OR51E1: variants seen among roughly 807,000 people sequenced by gnomAD.
The protein encoded by OR51E1 is olfactory receptor family 51 subfamily E member 1.
Under a neutral mutation model 11.5 loss-of-function variants are expected in OR51E1, and 9 were observed. That is an observed-to-expected ratio of 0.78 (90% CI 0.47 to 1.37). The LOEUF is 1.37. Ranked by LOEUF, OR51E1 falls within the 40% of genes most tolerant of loss-of-function variation. The probability of loss-of-function intolerance (pLI) is 0.00; values close to 1 mark genes in which losing one functional copy is unlikely to be tolerated. For missense variants in OR51E1, 397 were observed against 410.2 expected, an observed-to-expected ratio of 0.97 and a Z score of 0.28; for synonymous variants, 168 against 158.3, an observed-to-expected ratio of 1.06 and a Z score of -0.46.
chr11:4,645,730 T>C (rs1390658736), intron 1 of OR51E1, among the ~76,000 whole-genome samples: 1 of 152,046 alleles, frequency 6.6e-6, no homozygotes, highest in Admixed American at 6.5e-5. Context: ...ACTCAGGAAG[T>C]GGAGGAGCAG....
At chr11:4,645,418 G>C (rs894634194) in intron 1 of OR51E1, among the ~76,000 whole-genome samples, 3 of 152,172 alleles carry the variant, frequency 2.0e-5, no homozygotes, top group African/African-American at 7.2e-5. Context: ...CTGAGCTATT[G>C]TTGTCTTTGC....
intron 1 of OR51E1, among the ~76,000 whole-genome samples, chr11:4,650,197 G>A (rs1847076723): frequency 6.6e-6 from 1 of 152,134 alleles, no homozygotes; most frequent in Non-Finnish European, 1.5e-5. Flanking sequence ...AACAAAAATG[G>A]ATTTACTGAA....
At chr11:4,648,012 G>C (rs369307668) in intron 1 of OR51E1, among the ~76,000 whole-genome samples, 3 of 152,134 alleles carry the variant, frequency 2.0e-5, no homozygotes, top group East Asian at 1.9e-4. Flanking sequence ...TGCCTGTCTC[G>C]TGGAGGGACT....
chr11:4,645,694 G>C (rs904647903), intron 1 of OR51E1, among the ~76,000 whole-genome samples: 2 of 152,152 alleles, frequency 1.3e-5, no homozygotes, highest in African/African-American at 4.8e-5. Context: ...CAGCTTTGCA[G>C]ATCTTTAGAA....
intron 1 of OR51E1, among the ~76,000 whole-genome samples, chr11:4,648,306 T>C (rs1847053127): frequency 6.6e-6 from 1 of 152,236 alleles, no homozygotes; most frequent in Admixed American, 6.5e-5. Flanking sequence ...TATGAGTGTG[T>C]ACATACAGGC....
intron 1 of OR51E1, among the ~76,000 whole-genome samples, chr11:4,644,351 G>T (rs1196508939): frequency 1.3e-5 from 2 of 152,100 alleles, no homozygotes; most frequent in Non-Finnish European, 2.9e-5. Context: ...AGGCTGGGCT[G>T]GGGTTAGACT....
chr11:4,645,361 C>G (rs1282267330), intron 1 of OR51E1, among the ~76,000 whole-genome samples: 1 of 152,232 alleles, frequency 6.6e-6, no homozygotes, highest in Admixed American at 6.5e-5. Context: ...ACTGCCATGG[C>G]TTAAATGTCA....
chr11:4,647,222 A>C (rs911624581), intron 1 of OR51E1, among the ~76,000 whole-genome samples: 2 of 152,180 alleles, frequency 1.3e-5, no homozygotes, highest in African/African-American at 2.4e-5. Flanking sequence ...ATCTATGTTC[A>C]TATTATAAAA....
In OR51E1 at chr11:4,652,584, C is replaced by A. The variant is rs778631449; in HGVS notation, c.58C>A (p.Leu20Ile). 8.1e-6 allele frequency: 13 copies of A among 1,613,960 alleles called. No homozygotes were observed. The highest frequency in any genetic ancestry group is 4.2e-6 in the Non-Finnish European group (5 of 1,179,978). Residue 20 changes from leucine (L) to isoleucine (I), a missense_variant, in exon 2 of 2, where the codon CTC becomes ATC. Coordinates refer to ENST00000396952, the MANE Select transcript of OR51E1 (RefSeq NM_152430.4). ...TGCTACATACTTCATCCTAATAGGC[C>A]TCCCTGGTTTAGAAGAGGCTCAGTT... is the stretch of plus-strand genomic sequence containing the variant. ...SSATYFILIG[L>I]PGLEEAQFWL...
chr11:4,644,713 T>G (rs564512192), intron 1 of OR51E1, among the ~76,000 whole-genome samples: 1 of 152,290 alleles, frequency 6.6e-6, no homozygotes, highest in South Asian at 2.1e-4. Flanking sequence ...TCTCTTTCTC[T>G]CTGGCTCTTT....
chr11:4,652,492 T>C lies in OR51E1; in HGVS notation c.-35T>C. 2.1e-6 allele frequency: 3 copies of C among 1,456,640 alleles called. No individual in the cohort carries two copies. Among genetic ancestry groups the C allele is most frequent in the Non-Finnish European group, 2.9e-6 (3 of 1,046,230 alleles). The allele number at this position is 1,456,640 out of a possible 1,614,324, so 90.2% of individuals were successfully genotyped here. Reference sequence around the variant, plus strand: ...TGGCTTATCTTTGCATTCCAGCCTCTACCTGCCTGGTGCTGGTCACAGTTC... The same window carrying C: ...TGGCTTATCTTTGCATTCCAGCCTCCACCTGCCTGGTGCTGGTCACAGTTC... On this transcript the variant is annotated 5_prime_UTR_variant, in exon 2 of 2. Transcript: ENST00000396952.
At chr11:4,644,764 T>G (rs10768148) in intron 1 of OR51E1, among the ~76,000 whole-genome samples, 63,910 of 151,866 alleles carry the variant, frequency 0.42, 15,096 homozygotes, top group Middle Eastern at 0.54. Context: ...ACTAGATAAG[T>G]TCTGTTGCTG....
At chr11:4,645,153 T>G (rs1275477745) in intron 1 of OR51E1, among the ~76,000 whole-genome samples, 1 of 152,166 alleles carries the variant, frequency 6.6e-6, no homozygotes, top group Non-Finnish European at 1.5e-5. Flanking sequence ...CAACTGAAAT[T>G]TTATTTGTTT....
chr11:4,652,599 G>A lies in OR51E1; in HGVS notation c.73G>A (p.Glu25Lys), dbSNP rs372848649. The A allele has an allele frequency of 1.2e-6, 2 of 1,614,048 alleles. No homozygotes were observed. The highest frequency in any genetic ancestry group is 3.3e-5 in the Admixed American group (2 of 60,002). Residue 25 changes from glutamate to lysine, a missense_variant, in exon 2 of 2, where the codon GAG (glutamate) becomes AAG (lysine). Transcript: ENST00000396952. ...FILIGLPGLEEAQFWLAFPLC... is the reference protein window; with the variant it reads ...FILIGLPGLEKAQFWLAFPLC... ...CCTAATAGGCCTCCCTGGTTTAGAA[G>A]AGGCTCAGTTCTGGTTGGCCTTCCC...
Position 4,652,648 on chromosome 11 carries a change from C to T in OR51E1, c.122C>T (p.Ala41Val), listed in dbSNP as rs202046967. 4.6e-5 allele frequency: 74 copies of T among 1,614,058 alleles called. No individual in the cohort carries two copies. The highest frequency in any genetic ancestry group is 1.3e-4 in the Admixed American group (8 of 60,028). Residue 41 changes from alanine to valine, a missense_variant, in exon 2 of 2, where the codon GCT (alanine) becomes GTT (valine). Ala to Val is a moderately conservative substitution (Grantham distance 64). Transcript: ENST00000396952. ...CCATTGTGCTCCCTCTACCTTATTGCTGTGCTAGGTAACTTGACAATCATC... is the reference window on the plus strand; with the variant it reads ...CCATTGTGCTCCCTCTACCTTATTGTTGTGCTAGGTAACTTGACAATCATC... The part of the protein sequence containing the change: ...AFPLCSLYLI[A>V]VLGNLTIIYI...
chr11:4,651,460 G>C (rs979230447), intron 1 of OR51E1, among the ~76,000 whole-genome samples: 3 of 152,204 alleles, frequency 2.0e-5, no homozygotes, highest in African/African-American at 7.2e-5. Flanking sequence ...AGTACAAATT[G>C]CATCAAAGTG....
rs779396777 is a variant in OR51E1, at chr11:4,652,954, G to T, written c.428G>T (p.Arg143Leu). 6.2e-7 allele frequency: 1 copy of T among 1,605,854 alleles called. No homozygotes were observed. The highest frequency in any genetic ancestry group is 1.3e-5 in the African/African-American group (1 of 74,814). ...LRHATVLTLP[R>L]VTKIGVAAVV... The stretch of plus-strand genomic sequence containing the variant: ...CATGCCACAGTACTTACGTTGCCTC[G>T]TGTCACCAAAATTGGTGTGGCTGCT... Residue 143 changes from arginine to leucine, a missense_variant, in exon 2 of 2, where the codon CGT becomes CTT. Transcript: ENST00000396952.
chr11:4,653,455 A>G lies in OR51E1; in HGVS notation c.929A>G (p.His310Arg), dbSNP rs145574186. The G allele has an allele frequency of 5.0e-6, 8 of 1,612,702 alleles. No individual in the cohort carries two copies. In the East Asian group the frequency reaches 1.6e-4, roughly 31 times the overall value. ...CGACAGCGCATCCTTCGACTTTTCC[A>G]TGTGGCCACACACGCTTCAGAGCCC... is the stretch of plus-strand genomic sequence containing the variant. ...EIRQRILRLF[H>R]VATHASEP Residue 310 changes from histidine (H) to arginine (R), a missense_variant, in exon 2 of 2, where the codon CAT becomes CGT. Physicochemically the swap from His to Arg is conservative, Grantham distance 29. Transcript: ENST00000396952.
At chr11:4,650,479 A>C (rs1394714) in intron 1 of OR51E1, among the ~76,000 whole-genome samples, 149,734 of 152,278 alleles carry the variant, frequency 0.98, 73,665 homozygotes, top group Middle Eastern at 1. Context: ...CTGCCTTAAA[A>C]CTTCCCTTCC....
Sources: allele counts gnomAD v4.1 joint callset (sites outside exome capture counted in the v4.1 genomes callset), GRCh38; gene constraint gnomAD v4.1.1; transcripts MANE v1.5; gene names NCBI Gene and HGNC (gene_info 2026-07-23, HGNC 2026-07-21).